Variants in MED12L observed in about 807,000 individuals in gnomAD.
MED12L encodes mediator of RNA polymerase II transcription subunit 12-like protein.
A neutral mutation model predicts 281.3 loss-of-function variants in MED12L; 60 were observed. The observed-to-expected ratio is 0.21, with a 90% CI of 0.17 to 0.26. The LOEUF (loss-of-function observed/expected upper bound fraction) is 0.26, where lower values mean the gene tolerates loss of function less well. Ranked by LOEUF, MED12L falls within the 10% of genes least tolerant of loss-of-function variation. The pLI is 1.00. For missense variants in MED12L, 2,146 were observed against 2,680.9 expected, an observed-to-expected ratio of 0.80 and a Z score of 4.41; for synonymous variants, 974 against 987.2, an observed-to-expected ratio of 0.99 and a Z score of 0.25.
At chr3:151,414,309 G>A (rs1186064819) in intron 42 of MED12L, among the ~76,000 whole-genome samples, 2 of 152,180 alleles carry the variant, frequency 1.3e-5, no homozygotes, top group Non-Finnish European at 2.9e-5. Context: ...CTTATCAGCA[G>A]TCCAACTTGA....
intron 11 of MED12L, among the ~76,000 whole-genome samples, chr3:151,180,938 T>C (rs1417685345): frequency 6.6e-6 from 1 of 152,206 alleles, no homozygotes; most frequent in Non-Finnish European, 1.5e-5. Flanking sequence ...AATCGACCAG[T>C]TTCTCTAGTA....
chr3:151,094,594 T>C (rs1720476799), intron 2 of MED12L, among the ~76,000 whole-genome samples: 1 of 152,242 alleles, frequency 6.6e-6, no homozygotes, highest in Non-Finnish European at 1.5e-5. Context: ...GATACTGTTC[T>C]CTTTCTCTTA....
At chr3:151,173,621 A>T (rs1371137451) in intron 11 of MED12L, among the ~76,000 whole-genome samples, 2 of 152,264 alleles carry the variant, frequency 1.3e-5, no homozygotes, top group Admixed American at 1.3e-4. Flanking sequence ...CCTCAAGTTG[A>T]GCACGCTGGC....
In MED12L at chr3:151,138,242, C is replaced by T. The variant is rs76872987; in HGVS notation, c.556+10258C>T. Among the ~76,000 whole-genome samples, 531 of 119,774 alleles carry T rather than the reference C, an allele frequency of 4.4e-3. 2 individuals carry two copies. Among genetic ancestry groups the T allele is most frequent in the African/African-American group, 0.013 (512 of 40,430 alleles). 78.6% of individuals were successfully genotyped at this position (119,774 alleles called of 152,430 possible). Reference sequence around the variant, plus strand: ...TGTTCTCTGTTCCTTTTTGTGGCCTCTTAGTCCTTCATTGTGTGGATGTAC... The same window carrying T: ...TGTTCTCTGTTCCTTTTTGTGGCCTTTTAGTCCTTCATTGTGTGGATGTAC... On this transcript the variant is annotated intron_variant, in intron 5 of 44. Coordinates refer to ENST00000687756, the MANE Select transcript of MED12L (RefSeq NM_001393769.1).
At chr3:151,269,214 A>T (rs899424733) in intron 16 of MED12L, among the ~76,000 whole-genome samples, 5 of 152,214 alleles carry the variant, frequency 3.3e-5, no homozygotes, top group Non-Finnish European at 7.3e-5. Flanking sequence ...CAGCCTGACC[A>T]ACATGCAGAA....
At chr3:151,141,781 A>G (rs958512398) in intron 5 of MED12L, among the ~76,000 whole-genome samples, 1 of 152,218 alleles carries the variant, frequency 6.6e-6, no homozygotes, top group Admixed American at 6.5e-5. Flanking sequence ...TCCAGATAGT[A>G]TATTCGCTGC....
intron 16 of MED12L, among the ~76,000 whole-genome samples, chr3:151,246,169 A>G (rs1441452586): frequency 6.6e-6 from 1 of 152,186 alleles, no homozygotes; most frequent in Non-Finnish European, 1.5e-5. Flanking sequence ...TAGGAAGAAT[A>G]AATATCGTGA....
chr3:151,272,804 A>G (rs1278005217), intron 16 of MED12L, among the ~76,000 whole-genome samples: 2 of 152,134 alleles, frequency 1.3e-5, no homozygotes, highest in African/African-American at 2.4e-5. Context: ...TGTACCAGGC[A>G]TGATAACTCT....
At chr3:151,240,998 C>T (rs955210266) in intron 16 of MED12L, among the ~76,000 whole-genome samples, 2 of 152,132 alleles carry the variant, frequency 1.3e-5, no homozygotes, top group Non-Finnish European at 1.5e-5. Flanking sequence ...TCCAGTGTCT[C>T]CTGGTTGCCA....
chr3:151,294,481 C>T, intron 16 of MED12L: 1 of 1,614,138 alleles, frequency 6.2e-7, no homozygotes, highest in Non-Finnish European at 8.5e-7. Context: ...CCACAACAAC[C>T]CTGATGCTCT....
chr3:151,396,418 A>T (rs1232238340), intron 39 of MED12L, among the ~76,000 whole-genome samples: 1 of 152,190 alleles, frequency 6.6e-6, no homozygotes, highest in Non-Finnish European at 1.5e-5. Flanking sequence ...ACTTGAGGTC[A>T]GGAGTTCAAG....
chr3:151,140,012 T>C (rs993052518), intron 5 of MED12L, among the ~76,000 whole-genome samples: 1 of 152,220 alleles, frequency 6.6e-6, no homozygotes, highest in Non-Finnish European at 1.5e-5. Flanking sequence ...AAGAATGTTT[T>C]ATGAAAAAGA....
chr3:151,090,973 G>A (rs900442637), intron 2 of MED12L, among the ~76,000 whole-genome samples: 12 of 152,148 alleles, frequency 7.9e-5, no homozygotes, highest in African/African-American at 2.2e-4. Context: ...CCCAGGAGGC[G>A]GAGGTTGCAG....
intron 27 of MED12L, among the ~76,000 whole-genome samples, chr3:151,374,827 A>G (rs1463407120): frequency 6.6e-6 from 1 of 152,228 alleles, no homozygotes; most frequent in Non-Finnish European, 1.5e-5. Context: ...ACAAAAAAGT[A>G]TACTCAGAGA....
chr3:151,430,093 G>A (rs1026168804), intron 43 of MED12L, among the ~76,000 whole-genome samples: 4 of 152,178 alleles, frequency 2.6e-5, no homozygotes, highest in Non-Finnish European at 4.4e-5. Context: ...TGGAGCTTGG[G>A]TTCCTGAATA....
In MED12L at chr3:151,206,492, T is replaced by C. The variant is rs535508971; in HGVS notation, c.2250+12826T>C. ...TGAGGTGTGACTGCTATTTGGTCCA[T>C]GGTTAAAAGATAATTTATGGAGGGG... is the stretch of plus-strand genomic sequence containing the variant. On this transcript the variant is annotated intron_variant, in intron 16 of 44. Transcript: ENST00000687756. 4.6e-5 allele frequency among the ~76,000 whole-genome samples: 7 copies of C among 152,088 alleles called. No individual in the cohort carries two copies. The South Asian group carries it at 1.0e-3, about 23-fold the overall frequency.
chr3:151,106,972 G>A (rs889928254), intron 2 of MED12L, among the ~76,000 whole-genome samples: 5 of 151,834 alleles, frequency 3.3e-5, no homozygotes, highest in Admixed American at 6.6e-5. Context: ...TACTCATTCT[G>A]ACAATTCCAG....
chr3:151,385,927 A>G (rs1192970625), intron 36 of MED12L, among the ~76,000 whole-genome samples: 1 of 152,178 alleles, frequency 6.6e-6, no homozygotes, highest in Non-Finnish European at 1.5e-5. Flanking sequence ...ACAATCACCA[A>G]GATGAAAGAC....
intron 12 of MED12L, among the ~76,000 whole-genome samples, chr3:151,186,485 G>A (rs1273583665): frequency 6.6e-6 from 1 of 151,976 alleles, no homozygotes; most frequent in Non-Finnish European, 1.5e-5. Context: ...TTCTCCCCAG[G>A]GTCACAGCTC....
Sources: gnomAD v4.1 joint callset for allele counts (sites outside exome capture counted in the v4.1 genomes callset) on GRCh38, gnomAD v4.1.1 for gene constraint, MANE v1.5 for transcripts, NCBI Gene and HGNC (gene_info 2026-07-23, HGNC 2026-07-21) for gene names.